ANXA8: variants seen among roughly 807,000 people sequenced by gnomAD.
ANXA8 encodes the protein VAC-beta.
A neutral mutation model predicts 26.8 loss-of-function variants in ANXA8; 9 were observed. The ratio of observed to expected loss-of-function variants is 0.34; its 90% CI spans 0.20 to 0.59. The LOEUF (loss-of-function observed/expected upper bound fraction) is 0.59. Ranked by LOEUF, ANXA8 falls within the 20% of genes least tolerant of loss-of-function variation. ANXA8 has a pLI of 0.84. For missense variants in ANXA8, 83 were observed against 238.5 expected (o/e 0.35, Z 4.29); for synonymous variants, 39 against 94.8 (o/e 0.41, Z 3.42).
At chr10:47,748,011 G>T in the ANXA8 span, among the ~76,000 whole-genome samples, 2 of 152,152 alleles carry the variant, frequency 1.3e-5, no homozygotes, top group African/African-American at 2.4e-5. Context: ...GGAAAATACA[G>T]CAAAGAACAT....
the ANXA8 span, among the ~76,000 whole-genome samples, chr10:47,738,505 A>G: frequency 6.6e-6 from 1 of 150,644 alleles, no homozygotes; most frequent in Non-Finnish European, 1.5e-5. Context: ...TTTTCAATTA[A>G]TAAAGTATTC....
At chr10:47,627,774 C>T in the ANXA8 span, among the ~76,000 whole-genome samples, 11 of 149,840 alleles carry the variant, frequency 7.3e-5, no homozygotes, top group South Asian at 2.1e-4. Context: ...TTAAATGTTA[C>T]GATTACTAAT....
the ANXA8 span, among the ~76,000 whole-genome samples, chr10:47,694,513 T>A: frequency 6.7e-6 from 1 of 149,422 alleles, no homozygotes; most frequent in Non-Finnish European, 1.5e-5. Context: ...CTCTGCCTCC[T>A]GGGTTCAAGT....
the ANXA8 span, among the ~76,000 whole-genome samples, chr10:47,546,569 G>GT: frequency 6.8e-5 from 9 of 132,480 alleles, 1 homozygote; most frequent in African/African-American, 1.1e-4. Context: ...CACCCGGCTA[G>GT]TTTTTTTTGT....
the ANXA8 span, among the ~76,000 whole-genome samples, chr10:47,658,418 A>G: frequency 1.3e-5 from 2 of 150,452 alleles, no homozygotes; most frequent in East Asian, 3.9e-4. Context: ...ATAGGACAGA[A>G]TTGCTTATAT....
chr10:47,533,185 T>TCTCACACACA, the ANXA8 span, among the ~76,000 whole-genome samples: 1 of 102,394 alleles, frequency 9.8e-6, no homozygotes, highest in African/African-American at 4.0e-5. Context: ...TAAACACACA[T>TCTCACACACA]CACACACACA....
At chr10:47,652,814 A>C in the ANXA8 span, among the ~76,000 whole-genome samples, 1 of 146,586 alleles carries the variant, frequency 6.8e-6, no homozygotes, top group Non-Finnish European at 1.5e-5. Flanking sequence ...ACTCTGTTCT[A>C]CCTTAAAATT....
At chr10:47,526,055 A>G in the ANXA8 span, among the ~76,000 whole-genome samples, 2 of 136,544 alleles carry the variant, frequency 1.5e-5, no homozygotes, top group African/African-American at 5.5e-5. Flanking sequence ...TACAGGAATG[A>G]GCCATCGTGC....
the ANXA8 span, among the ~76,000 whole-genome samples, chr10:47,891,341 T>TG: frequency 1.2e-5 from 1 of 80,122 alleles, no homozygotes; most frequent in Non-Finnish European, 3.2e-5. Flanking sequence ...TCCTATTATT[T>TG]GAAAAAAAAA....
the ANXA8 span, among the ~76,000 whole-genome samples, chr10:47,703,080 C>A: frequency 6.6e-6 from 1 of 150,624 alleles, no homozygotes; most frequent in South Asian, 2.1e-4. Context: ...TGAAGGAACA[C>A]CTACTGGCTA....
chr10:47,684,241 A>G, the ANXA8 span, among the ~76,000 whole-genome samples: 1 of 152,224 alleles, frequency 6.6e-6, no homozygotes, highest in Non-Finnish European at 1.5e-5. Context: ...TTCTGTCTGT[A>G]TAATTTGGCT....
chr10:47,626,445 G>A, the ANXA8 span, among the ~76,000 whole-genome samples: 8 of 150,306 alleles, frequency 5.3e-5, 1 homozygote, highest in African/African-American at 7.5e-5. Context: ...AATTTTTTCC[G>A]ACAGATATCC....
chr10:47,958,836 G>A, the ANXA8 span, among the ~76,000 whole-genome samples: 753 of 149,482 alleles, frequency 5.0e-3, 7 homozygotes, highest in Non-Finnish European at 6.5e-3. Flanking sequence ...CAGATCTCAC[G>A]AGACTCACTC....
the ANXA8 span, among the ~76,000 whole-genome samples, chr10:47,670,354 T>C: frequency 2.0e-5 from 3 of 151,978 alleles, no homozygotes; most frequent in African/African-American, 7.3e-5. Flanking sequence ...GAACATTTGT[T>C]TTTATTCTTT....
the ANXA8 span, among the ~76,000 whole-genome samples, chr10:47,708,625 A>G: frequency 6.6e-6 from 1 of 151,184 alleles, no homozygotes; most frequent in Non-Finnish European, 1.5e-5. Context: ...ATTCCCAGGT[A>G]ACAGACCTGC....
chr10:47,900,825 T>G, the ANXA8 span, among the ~76,000 whole-genome samples: 1 of 150,002 alleles, frequency 6.7e-6, no homozygotes, highest in Non-Finnish European at 1.5e-5. Context: ...TGTCCAAGAT[T>G]GTGAGTATAC....
At chr10:47,682,717 A>C in the ANXA8 span, among the ~76,000 whole-genome samples, 3 of 151,902 alleles carry the variant, frequency 2.0e-5, no homozygotes, top group African/African-American at 7.3e-5. Context: ...TGACCTGCCC[A>C]CTTCGGCCTC....
chr10:47,881,990 GATGT>G, the ANXA8 span, among the ~76,000 whole-genome samples: 171 of 152,172 alleles, frequency 1.1e-3, 1 homozygote, highest in African/African-American at 2.9e-3. Flanking sequence ...TGTGTGTGCA[GATGT>G]ATGTATGTAT....
At chr10:47,907,237 G>A in the ANXA8 span, among the ~76,000 whole-genome samples, 1 of 151,950 alleles carries the variant, frequency 6.6e-6, no homozygotes, top group Non-Finnish European at 1.5e-5. Context: ...GGTGCTTGTA[G>A]TCCCAGCTAC....
Sources: gnomAD v4.1 joint callset for allele counts (sites outside exome capture counted in the v4.1 genomes callset) on GRCh38, gnomAD v4.1.1 for gene constraint, MANE v1.5 for transcripts, NCBI Gene and HGNC (gene_info 2026-07-23, HGNC 2026-07-21) for gene names.